The following CACNA2D3 variants were observed in gnomAD, a reference collection of about 807,000 sequenced individuals.
The protein encoded by CACNA2D3 is voltage-dependent calcium channel subunit alpha-2/delta-3.
CACNA2D3 carries 60 observed loss-of-function variants against 160.6 expected under a neutral mutation model. The ratio of observed to expected loss-of-function variants is 0.37; its 90% CI spans 0.30 to 0.46. CACNA2D3 has a LOEUF of 0.46. CACNA2D3 is among the 20% of genes least tolerant of loss of function. The pLI, the probability that CACNA2D3 is intolerant of heterozygous loss-of-function variation, is 1.00. For synonymous variants in CACNA2D3, 558 were observed against 492.9 expected (o/e 1.13, Z -1.75); for missense variants, 1,205 against 1,365.0 (o/e 0.88, Z 1.85).
chr3:54,850,953 A>C (rs1699044868), intron 17 of CACNA2D3, among the ~76,000 whole-genome samples: 2 of 152,226 alleles, frequency 1.3e-5, no homozygotes, highest in African/African-American at 4.8e-5. Context: ...CATACACTGA[A>C]TGTTCACTAT....
intron 2 of CACNA2D3, among the ~76,000 whole-genome samples, chr3:54,194,693 G>A (rs1023370249): frequency 2.0e-5 from 3 of 152,224 alleles, no homozygotes; most frequent in African/African-American, 7.2e-5. Context: ...TTGGTTTCAC[G>A]TGAAGATGCG....
At chr3:54,624,539 G>A (rs540250557) in intron 9 of CACNA2D3, among the ~76,000 whole-genome samples, 31 of 152,146 alleles carry the variant, frequency 2.0e-4, no homozygotes, top group African/African-American at 6.0e-4. Context: ...GGAGAATGGC[G>A]TGAACCCGGG....
At chr3:55,064,522 C>A (rs925309111) in intron 35 of CACNA2D3, among the ~76,000 whole-genome samples, 3 of 152,144 alleles carry the variant, frequency 2.0e-5, no homozygotes, top group Admixed American at 2.0e-4. Context: ...CCTCAACCAC[C>A]CCCTCCTCAC....
At chr3:54,482,377 A>G (rs1466831157) in intron 4 of CACNA2D3, among the ~76,000 whole-genome samples, 2 of 152,218 alleles carry the variant, frequency 1.3e-5, no homozygotes, top group Non-Finnish European at 2.9e-5. Context: ...ACAGACGTTG[A>G]TAGTTCAACA....
At chr3:54,900,401 AAAG>A (rs1285046433) in intron 27 of CACNA2D3, among the ~76,000 whole-genome samples, 1 of 152,166 alleles carries the variant, frequency 6.6e-6, no homozygotes, top group Middle Eastern at 3.2e-3. Flanking sequence ...TTGAATTGTC[AAAG>A]AAGTCCCGTT....
intron 35 of CACNA2D3, among the ~76,000 whole-genome samples, chr3:55,062,944 T>C (rs1370713196): frequency 6.6e-6 from 1 of 152,218 alleles, no homozygotes; most frequent in Non-Finnish European, 1.5e-5. Flanking sequence ...ATTTCCAGTG[T>C]AGCAGTACAA....
intron 13 of CACNA2D3, among the ~76,000 whole-genome samples, chr3:54,790,192 C>T (rs1157050917): frequency 6.6e-6 from 1 of 152,118 alleles, no homozygotes; most frequent in Non-Finnish European, 1.5e-5. Flanking sequence ...TTGCATAACC[C>T]TTCTGTGCTT....
chr3:54,916,980 C>T (rs772119554), intron 27 of CACNA2D3, among the ~76,000 whole-genome samples: 1 of 152,188 alleles, frequency 6.6e-6, no homozygotes, highest in African/African-American at 2.4e-5. Flanking sequence ...CTGTCATGGC[C>T]TCTGGAGGGA....
At chr3:55,044,698 A>AG (rs1165267723) in intron 35 of CACNA2D3, among the ~76,000 whole-genome samples, 1 of 151,832 alleles carries the variant, frequency 6.6e-6, no homozygotes. Context: ...TCCCAGTTTT[A>AG]GGGGGGAAAG....
At chr3:54,383,930 A>G (rs936927523) in intron 3 of CACNA2D3, among the ~76,000 whole-genome samples, 10 of 152,216 alleles carry the variant, frequency 6.6e-5, no homozygotes, top group Admixed American at 3.3e-4. Context: ...GTTATATAGG[A>G]ATATGTTACA....
chr3:54,341,141 C>G (rs1030157343), intron 3 of CACNA2D3, among the ~76,000 whole-genome samples: 1 of 152,192 alleles, frequency 6.6e-6, no homozygotes, highest in Non-Finnish European at 1.5e-5. Context: ...CTCTCCAGCC[C>G]TTTTCATCAC....
intron 11 of CACNA2D3, among the ~76,000 whole-genome samples, chr3:54,676,342 G>A (rs142011086): frequency 1.3e-5 from 2 of 152,210 alleles, no homozygotes; most frequent in African/African-American, 4.8e-5. Flanking sequence ...GCTAGCTTGT[G>A]TTTACACCTG....
chr3:54,788,975 C>T (rs1181626000), intron 13 of CACNA2D3, among the ~76,000 whole-genome samples: 1 of 152,080 alleles, frequency 6.6e-6, no homozygotes, highest in African/African-American at 2.4e-5. Flanking sequence ...TTACCTTTCC[C>T]TGGGTTCATG....
At chr3:54,583,340 A>C (rs1289757270) in intron 9 of CACNA2D3, among the ~76,000 whole-genome samples, 1 of 152,188 alleles carries the variant, frequency 6.6e-6, no homozygotes, top group Non-Finnish European at 1.5e-5. Flanking sequence ...TGGGCTAAGA[A>C]ATTATTCTAA....
intron 2 of CACNA2D3, among the ~76,000 whole-genome samples, chr3:54,259,273 C>T (rs1161041039): frequency 2.0e-5 from 3 of 152,216 alleles, no homozygotes; most frequent in African/African-American, 2.4e-5. Flanking sequence ...CATGGTGACA[C>T]GGACCTAACT....
intron 5 of CACNA2D3, among the ~76,000 whole-genome samples, chr3:54,513,754 C>G (rs1701497387): frequency 6.6e-6 from 1 of 152,168 alleles, no homozygotes; most frequent in African/African-American, 2.4e-5. Context: ...GATCTCAGCT[C>G]ATTGCAACCT....
At chr3:54,923,766 G>C (rs1310536350) in intron 27 of CACNA2D3, among the ~76,000 whole-genome samples, 1 of 152,100 alleles carries the variant, frequency 6.6e-6, no homozygotes, top group Non-Finnish European at 1.5e-5. Context: ...TTCTCACCTG[G>C]GCTTCTGCTC....
At chr3:54,779,256 G>A (rs1476849416) in intron 13 of CACNA2D3, among the ~76,000 whole-genome samples, 3 of 151,936 alleles carry the variant, frequency 2.0e-5, no homozygotes, top group East Asian at 1.9e-4. Context: ...GTGCCACTAC[G>A]CCCAGCTAAT....
intron 24 of CACNA2D3, among the ~76,000 whole-genome samples, chr3:54,889,578 G>A (rs1446104320): frequency 6.6e-6 from 1 of 152,142 alleles, no homozygotes; most frequent in Non-Finnish European, 1.5e-5. Context: ...AGACACTGGG[G>A]GAGGATCAGG....
Sources: gnomAD v4.1 joint callset for allele counts (sites outside exome capture counted in the v4.1 genomes callset) on GRCh38, gnomAD v4.1.1 for gene constraint, MANE v1.5 for transcripts, NCBI Gene and HGNC (gene_info 2026-07-23, HGNC 2026-07-21) for gene names.